TLE4: variants seen among roughly 807,000 people sequenced by gnomAD.
The protein encoded by TLE4 is TLE family member 4, transcriptional corepressor.
TLE4 carries 8 observed loss-of-function variants against 92.8 expected under a neutral mutation model. That is an observed-to-expected ratio of 0.09 (90% CI 0.05 to 0.16). TLE4 has a LOEUF of 0.16. TLE4 is among the 10% of genes least tolerant of loss of function. The pLI is 1.00. For synonymous variants in TLE4, 371 were observed against 374.1 expected (o/e 0.99, Z 0.10); for missense variants, 675 against 997.6 (o/e 0.68, Z 4.36).
At chr9:79,582,555 T>G (rs2132056126) in intron 4 of TLE4, among the ~76,000 whole-genome samples, 1 of 152,244 alleles carries the variant, frequency 6.6e-6, no homozygotes, top group Admixed American at 6.5e-5. Flanking sequence ...TTTCTTGTGT[T>G]ATAAGATAGG....
chr9:79,572,694 C>CCGGCCGCCTCCGCTGCCG lies in TLE4; in HGVS notation c.-85_-68dup, dbSNP rs1203412262. The CCGGCCGCCTCCGCTGCCG allele has an allele frequency of 6.8e-6, 9 of 1,333,122 alleles. No homozygotes were observed. Among genetic ancestry groups the CCGGCCGCCTCCGCTGCCG allele is most frequent in the African/African-American group, 1.5e-5 (1 of 65,620 alleles). 82.6% of individuals were successfully genotyped at this position (1,333,122 alleles called of 1,614,324 possible). On this transcript the variant is annotated 5_prime_UTR_variant, in exon 1 of 20. Transcript: ENST00000376552. ...CGCCCGAGCCGCCCCTCAGACCGAG[C>CCGGCCGCCTCCGCTGCCG]CGGCCGCCTCCGCTGCCGCGGCCGC...
chr9:79,613,893 C>G (rs1352105219), intron 5 of TLE4, among the ~76,000 whole-genome samples: 2 of 152,124 alleles, frequency 1.3e-5, no homozygotes, highest in Admixed American at 6.6e-5. Flanking sequence ...ATTCACAAAT[C>G]TTGTTGACAC....
chr9:79,583,319 A>G (rs1228652090), intron 4 of TLE4, among the ~76,000 whole-genome samples: 1 of 152,178 alleles, frequency 6.6e-6, no homozygotes, highest in Admixed American at 6.5e-5. Context: ...TAAGCAGAAG[A>G]GAAGTACTCT....
At chr9:79,657,734 C>T (rs1288385926) in intron 8 of TLE4, among the ~76,000 whole-genome samples, 1 of 152,128 alleles carries the variant, frequency 6.6e-6, no homozygotes, top group African/African-American at 2.4e-5. Context: ...TTTCCCACTC[C>T]GTCCCAAATG....
chr9:79,658,334 T>C (rs2134365294), intron 8 of TLE4, among the ~76,000 whole-genome samples: 1 of 152,336 alleles, frequency 6.6e-6, no homozygotes, highest in East Asian at 1.9e-4. Context: ...ATAATTATTT[T>C]TTAGCTAAAT....
intron 4 of TLE4, among the ~76,000 whole-genome samples, chr9:79,612,160 G>A (rs979170640): frequency 6.6e-6 from 1 of 152,048 alleles, no homozygotes; most frequent in Non-Finnish European, 1.5e-5. Context: ...GGGTGCTGCT[G>A]TTTCAGAAGT....
chr9:79,584,333 C>G (rs1025362692), intron 4 of TLE4, among the ~76,000 whole-genome samples: 10 of 152,190 alleles, frequency 6.6e-5, no homozygotes, highest in African/African-American at 2.2e-4. Context: ...CCCTTCTACC[C>G]TCTCATTGCC....
At chr9:79,724,947 C>A in intron 19 of TLE4, 90 bp from the exon 20 acceptor site, 1 of 812,748 alleles carries the variant, frequency 1.2e-6, no homozygotes, top group Non-Finnish European at 2.0e-6. Flanking sequence ...GGTCAAGGAG[C>A]ACATTACATT....
chr9:79,681,915 AT>A (rs958128593), intron 8 of TLE4, among the ~76,000 whole-genome samples: 7 of 151,344 alleles, frequency 4.6e-5, no homozygotes, highest in African/African-American at 9.7e-5. Flanking sequence ...ATAATTTGAT[AT>A]TTTTTTAATG....
chr9:79,614,144 A>C (rs2048973713), intron 5 of TLE4, among the ~76,000 whole-genome samples: 1 of 152,054 alleles, frequency 6.6e-6, no homozygotes, highest in Non-Finnish European at 1.5e-5. Context: ...TTTTTACTTT[A>C]AGCAGCTCTG....
intron 6 of TLE4, among the ~76,000 whole-genome samples, chr9:79,645,995 A>T (rs577813276): frequency 8.5e-4 from 130 of 152,150 alleles, no homozygotes; most frequent in African/African-American, 3.0e-3. Context: ...TTATGTATGT[A>T]CGTTTATTTT....
chr9:79,723,991 A>C (rs114776397), intron 19 of TLE4, among the ~76,000 whole-genome samples: 1,565 of 152,208 alleles, frequency 0.01, 34 homozygotes, highest in African/African-American at 0.035. Context: ...TGTTGTTTTC[A>C]TTTTAAATGA....
At chr9:79,711,567 T>A (rs2073298506) in intron 14 of TLE4, among the ~76,000 whole-genome samples, 2 of 152,174 alleles carry the variant, frequency 1.3e-5, no homozygotes, top group Admixed American at 1.3e-4. Context: ...AGCTACAGCA[T>A]AACCACTAGA....
intron 8 of TLE4, among the ~76,000 whole-genome samples, chr9:79,679,931 A>G (rs1387985075): frequency 2.0e-5 from 3 of 152,056 alleles, no homozygotes; most frequent in Non-Finnish European, 2.9e-5. Context: ...AGATGTAGAT[A>G]TGCGGCATTA....
chr9:79,663,443 G>A (rs1405793792), intron 8 of TLE4: 1 of 152,148 alleles, frequency 6.6e-6, no homozygotes, highest in Non-Finnish European at 1.5e-5. Flanking sequence ...CTGCCAAAAC[G>A]GCAGAGATAC....
At chr9:79,649,939 A>G in intron 6 of TLE4, 3 of 1,232,856 alleles carry the variant, frequency 2.4e-6, no homozygotes, top group Non-Finnish European at 2.1e-6. Context: ...TTTTTGAGAC[A>G]GGGTTTCACT....
chr9:79,684,845 T>C (rs377016077), intron 8 of TLE4, among the ~76,000 whole-genome samples: 1 of 152,178 alleles, frequency 6.6e-6, no homozygotes, highest in East Asian at 1.9e-4. Flanking sequence ...TGGCTGAGTC[T>C]AGCATCAGTG....
chr9:79,592,608 G>T (rs181739157), intron 4 of TLE4, among the ~76,000 whole-genome samples: 46 of 152,050 alleles, frequency 3.0e-4, no homozygotes, highest in African/African-American at 1.1e-3. Flanking sequence ...CATTTTGCTC[G>T]GTTACTGCCA....
In TLE4 at chr9:79,609,732, C is replaced by A. The variant is rs573972767; in HGVS notation, c.253-2924C>A. Among the ~76,000 whole-genome samples, 32 of 152,070 alleles carry A rather than the reference C, an allele frequency of 2.1e-4. No homozygotes were observed. The South Asian group carries it at 6.6e-3, about 32-fold the overall frequency. ...AGCAGTGTCCATAAAGCATCAAATA[C>A]CATTATAATATCTAGTAACCCTAAC... On this transcript the variant is annotated intron_variant, in intron 4 of 19. Transcript: ENST00000376552.
Sources: allele counts gnomAD v4.1 joint callset (sites outside exome capture counted in the v4.1 genomes callset), GRCh38; gene constraint gnomAD v4.1.1; transcripts MANE v1.5; gene names NCBI Gene and HGNC (gene_info 2026-07-23, HGNC 2026-07-21).